IDO2: variants seen among roughly 807,000 people sequenced by gnomAD.
IDO2 encodes indoleamine 2,3-dioxygenase-like 1 protein.
Under a neutral mutation model 45.1 loss-of-function variants are expected in IDO2, and 46 were observed. The ratio of observed to expected loss-of-function variants is 1.02; its 90% CI spans 0.80 to 1.30. The LOEUF (loss-of-function observed/expected upper bound fraction) is 1.30. IDO2 is among the 50% of genes most tolerant of loss of function. The probability of loss-of-function intolerance (pLI) is 0.00; values close to 1 mark genes in which losing one functional copy is unlikely to be tolerated. For missense variants in IDO2, 544 were observed against 491.8 expected (o/e 1.11, Z -1.00); for synonymous variants, 218 against 184.9 (o/e 1.18, Z -1.45).
chr8:39,939,751 G>T (rs900021996), intron 1 of IDO2, among the ~76,000 whole-genome samples: 4 of 147,896 alleles, frequency 2.7e-5, no homozygotes, highest in African/African-American at 9.9e-5. Flanking sequence ...GTTAATCAAC[G>T]AAAGGACTTA....
chr8:39,956,232 T>A (rs896432432), intron 2 of IDO2, among the ~76,000 whole-genome samples: 1 of 151,980 alleles, frequency 6.6e-6, no homozygotes, highest in Non-Finnish European at 1.5e-5. Flanking sequence ...CTAATTTTTG[T>A]ATCCTTTTTA....
At chr8:40,011,864 T>A (rs989278682) in intron 9 of IDO2, among the ~76,000 whole-genome samples, 1 of 152,188 alleles carries the variant, frequency 6.6e-6, no homozygotes, top group Non-Finnish European at 1.5e-5. Context: ...GATAGAGGCC[T>A]TGCTCCTAAT....
intron 10 of IDO2, among the ~76,000 whole-genome samples, chr8:40,014,830 C>T (rs1315733531): frequency 6.6e-6 from 1 of 152,114 alleles, no homozygotes; most frequent in Non-Finnish European, 1.5e-5. Flanking sequence ...ACACCAGCAA[C>T]AGTTTCTGGT....
rs116219217 is a variant in IDO2, at chr8:40,014,368, C to G, written c.868+655C>G. Among the ~76,000 whole-genome samples the G allele has an allele frequency of 5.9e-3, 898 of 152,248 alleles. 10 individuals carry two copies. Among genetic ancestry groups the G allele is most frequent in the African/African-American group, 0.021 (858 of 41,540 alleles). On this transcript the variant is annotated intron_variant, in intron 10 of 10. Coordinates refer to ENST00000502986, the Ensembl canonical transcript of IDO2. ...TGACATTAATGGTTGATTTACTTAC[C>G]ATGCATAATATTAAACCCATAACGA...
intron 8 of IDO2, among the ~76,000 whole-genome samples, chr8:39,996,901 C>A (rs1469663476): frequency 6.6e-6 from 1 of 152,190 alleles, no homozygotes; most frequent in Non-Finnish European, 1.5e-5. Context: ...ATAACTAAAA[C>A]TACATTAACA....
intron 3 of IDO2, among the ~76,000 whole-genome samples, chr8:39,967,734 C>T (rs546062866): frequency 8.5e-5 from 13 of 152,292 alleles, no homozygotes; most frequent in African/African-American, 2.2e-4. Context: ...GTGATCCACC[C>T]GCCTTGGCCT....
chr8:39,941,221 C>CAAAAAAAAAAAAAAAAAAAAAAAA (rs59745370), intron 1 of IDO2, among the ~76,000 whole-genome samples: 1 of 80,586 alleles, frequency 1.2e-5, no homozygotes, highest in Admixed American at 1.6e-4. Context: ...GACTCCATCT[C>CAAAAAAAAAAAAAAAAAAAAAAAA]AAAAAAAAAA....
At chr8:39,963,985 C>A (rs79043633) in intron 3 of IDO2, among the ~76,000 whole-genome samples, 4,745 of 152,270 alleles carry the variant, frequency 0.031, 130 homozygotes, top group Non-Finnish European at 0.049. Flanking sequence ...GAATGATAAA[C>A]TAACTAATGG....
chr8:39,996,426 C>A (rs921193103), intron 8 of IDO2, among the ~76,000 whole-genome samples: 6 of 152,200 alleles, frequency 3.9e-5, no homozygotes, highest in Admixed American at 1.3e-4. Context: ...CCAGTGGACA[C>A]GTGACTTGGG....
intron 9 of IDO2, among the ~76,000 whole-genome samples, chr8:40,011,007 T>C (rs1802301902): frequency 6.6e-6 from 1 of 152,182 alleles, no homozygotes; most frequent in Middle Eastern, 3.4e-3. Context: ...TGCCTCTGGG[T>C]TCAAGCGATA....
At chr8:39,946,846 G>T (rs1807739529) in intron 1 of IDO2, among the ~76,000 whole-genome samples, 1 of 151,580 alleles carries the variant, frequency 6.6e-6, no homozygotes. Context: ...TAGTGGTAGG[G>T]TCCCAAAAGT....
chr8:39,950,979 G>A (rs1001985962), intron 2 of IDO2, among the ~76,000 whole-genome samples: 1 of 152,018 alleles, frequency 6.6e-6, no homozygotes, highest in East Asian at 1.9e-4. Flanking sequence ...TCCCATTTCT[G>A]ACAGTGCCAC....
chr8:40,003,824 C>T (rs1348112683), intron 8 of IDO2, among the ~76,000 whole-genome samples: 2 of 152,084 alleles, frequency 1.3e-5, no homozygotes, highest in African/African-American at 4.8e-5. Context: ...AAAAAGATTG[C>T]TTTTACTATT....
intron 5 of IDO2, chr8:39,985,297 C>G (rs981545686): frequency 3.4e-6 from 2 of 582,896 alleles, no homozygotes; most frequent in Non-Finnish European, 6.1e-6. Context: ...ATGTCGCTCA[C>G]CCTTTATCAC....
intron 5 of IDO2, 54 bp downstream of exon 5, chr8:39,982,824 C>A: frequency 2.5e-6 from 3 of 1,179,022 alleles, no homozygotes; most frequent in South Asian, 1.4e-5. Flanking sequence ...CAGGAAACAC[C>A]CAGGCTTTTT....
chr8:40,011,152 C>G (rs1802304657), intron 9 of IDO2, among the ~76,000 whole-genome samples: 1 of 152,212 alleles, frequency 6.6e-6, no homozygotes, highest in Non-Finnish European at 1.5e-5. Context: ...CTCAATCGAT[C>G]TCCCCGCCTG....
rs28369360 is a variant in IDO2 at position 39,973,783 on chromosome 8, C to T, written c.196-5284C>T. 9.5e-3 allele frequency among the ~76,000 whole-genome samples: 1,435 copies of T among 151,058 alleles called. 24 individuals carry two copies. Among genetic ancestry groups the T allele is most frequent in the African/African-American group, 0.033 (1,342 of 41,152 alleles). On this transcript the variant is annotated intron_variant, in intron 3 of 10. Coordinates refer to ENST00000502986, the Ensembl canonical transcript of IDO2. ...CTGAGATGGAGTCTTGCTCTGTCTC[C>T]TAGGCTGGGGTGTAGTGGCACAATC...
At chr8:39,971,054 G>A (rs960771155) in intron 3 of IDO2, among the ~76,000 whole-genome samples, 3 of 152,114 alleles carry the variant, frequency 2.0e-5, no homozygotes, top group African/African-American at 4.8e-5. Flanking sequence ...GTGAGCCACT[G>A]CGCCCGGCCC....
chr8:39,947,483 TAA>T (rs1807754631), intron 1 of IDO2, among the ~76,000 whole-genome samples: 1 of 152,238 alleles, frequency 6.6e-6, no homozygotes, highest in Non-Finnish European at 1.5e-5. Context: ...CTTCCTTATT[TAA>T]AAGTGTTTTT....
Sources: gnomAD v4.1 joint callset for allele counts (sites outside exome capture counted in the v4.1 genomes callset) on GRCh38, gnomAD v4.1.1 for gene constraint, MANE v1.5 for transcripts, NCBI Gene and HGNC (gene_info 2026-07-23, HGNC 2026-07-21) for gene names.